ADAMTS7: variants seen among roughly 807,000 people sequenced by gnomAD.
ADAMTS7 encodes ADAM metallopeptidase with thrombospondin type 1 motif 7.
In ADAMTS7, 89 loss-of-function variants were observed where a neutral mutation model predicts 172.6. That is an observed-to-expected ratio of 0.52 (90% CI 0.43 to 0.61). The LOEUF (loss-of-function observed/expected upper bound fraction) is 0.61. Ranked by LOEUF, ADAMTS7 falls within the 20% of genes least tolerant of loss-of-function variation. ADAMTS7 has a pLI of 0.00. For synonymous variants in ADAMTS7, 885 were observed against 978.4 expected (o/e 0.90, Z 1.78); for missense variants, 1,973 against 2,355.6 (o/e 0.84, Z 3.36).
At chr15:78,768,004 T>C (rs2055184282) in intron 17 of ADAMTS7, 129 bp downstream of exon 17, 2 of 371,808 alleles carry the variant, frequency 5.4e-6, no homozygotes, top group Non-Finnish European at 9.2e-6. Flanking sequence ...TGTAGGGACC[T>C]GTGGCAGACC....
Position 78,800,326 on chromosome 15 carries a change from T to A in ADAMTS7, c.322A>T (p.Ser108Cys). The A allele has an allele frequency of 6.3e-7, 1 of 1,599,538 alleles. No homozygotes were observed. The highest frequency in any genetic ancestry group is 1.1e-5 in the South Asian group (1 of 90,166). The stretch of plus-strand genomic sequence containing the variant: ...AGGCCGCCGCGCCGCCGCGTCTCGC[T>A]CACAAAGCCGGGCGCCAGCAGGTGC... ...NQHLLAPGFVSETRRRGGLGR... is the reference protein window; with the variant it reads ...NQHLLAPGFVCETRRRGGLGR... Residue 108 changes from serine to cysteine, a missense_variant, in exon 2 of 24, where the codon AGC (serine) becomes TGC (cysteine). Physicochemically the swap from Ser to Cys is moderately radical, Grantham distance 112 (BLOSUM62 -1). Around this residue, in one of 8 missense-constraint regions of ADAMTS7, gnomAD observed 306 missense variants for 288.0 expected, o/e 1.06. Coordinates refer to ENST00000388820, the MANE Select transcript of ADAMTS7 (RefSeq NM_014272.5).
In ADAMTS7 at chr15:78,765,624, C is replaced by T. The variant is rs373672255; in HGVS notation, c.4266+21G>A. The T allele has an allele frequency of 1.1e-4, 176 of 1,600,860 alleles. 6 individuals carry two copies. In the East Asian group the frequency reaches 2.8e-3, roughly 25 times the overall value. ...CAAGGTCCTGCGCAAACTCCCTGCC[C>T]GCCCAGCCCACACCACTTGCCTCGC... On this transcript the variant is annotated intron_variant, in intron 19 of 23. Coordinates refer to ENST00000388820, the MANE Select transcript of ADAMTS7 (RefSeq NM_014272.5).
chr15:78,791,078 G>A (rs1435157007), intron 5 of ADAMTS7, 62 bp downstream of exon 5: 19 of 1,545,164 alleles, frequency 1.2e-5, no homozygotes, highest in Admixed American at 6.8e-5. Flanking sequence ...CAGGTCATGC[G>A]GCAGGAGGGC....
intron 2 of ADAMTS7, among the ~76,000 whole-genome samples, chr15:78,798,389 T>C (rs548387267): frequency 1.3e-5 from 2 of 152,178 alleles, no homozygotes; most frequent in Non-Finnish European, 2.9e-5. Flanking sequence ...CCCACCCCAT[T>C]AGGAGAGGGA....
chr15:78,792,453 T>C (rs2055593466), intron 4 of ADAMTS7, among the ~76,000 whole-genome samples: 1 of 152,198 alleles, frequency 6.6e-6, no homozygotes, highest in Non-Finnish European at 1.5e-5. Flanking sequence ...CATCGATCTT[T>C]GAAATGCAAA....
At chr15:78,761,053 T>C (rs2010752) in intron 23 of ADAMTS7, among the ~76,000 whole-genome samples, 142,299 of 152,228 alleles carry the variant, frequency 0.93, 66,533 homozygotes, top group East Asian at 0.98. Flanking sequence ...CCAGCTCAGG[T>C]AGCACATAGG....
chr15:78,809,638 C>A (rs1325263141), intron 1 of ADAMTS7, among the ~76,000 whole-genome samples: 3 of 152,206 alleles, frequency 2.0e-5, no homozygotes, highest in African/African-American at 7.2e-5. Flanking sequence ...ACGAGGTTGA[C>A]CGCACCCAAC....
intron 19 of ADAMTS7, among the ~76,000 whole-genome samples, chr15:78,765,423 G>A (rs944174771): frequency 1.8e-4 from 27 of 152,262 alleles, no homozygotes; most frequent in East Asian, 1.9e-4. Flanking sequence ...ATTCTGGGGT[G>A]TGCTGTGCTG....
chr15:78,789,656 C>T, intron 7 of ADAMTS7, 33 bp downstream of exon 7: 1 of 1,611,332 alleles, frequency 6.2e-7, no homozygotes, highest in Admixed American at 1.7e-5. Context: ...TGAAGCTCGG[C>T]TCTCAGTGTA....
At chr15:78,775,756 T>C (rs556320424) in intron 11 of ADAMTS7, among the ~76,000 whole-genome samples, 133 of 152,314 alleles carry the variant, frequency 8.7e-4, no homozygotes, top group Non-Finnish European at 1.4e-3. Context: ...CTGCATAAAC[T>C]GCATTTGCCC....
intron 3 of ADAMTS7, 31 bp from the exon 4 acceptor site, chr15:78,796,817 C>T: frequency 1.9e-6 from 3 of 1,578,588 alleles, no homozygotes; most frequent in Non-Finnish European, 8.6e-7. Flanking sequence ...GAGTTAGCTG[C>T]CAGTGGACAG....
chr15:78,800,818 G>T (rs1334854678), intron 1 of ADAMTS7, among the ~76,000 whole-genome samples: 5 of 152,200 alleles, frequency 3.3e-5, no homozygotes, highest in African/African-American at 9.7e-5. Flanking sequence ...CTGTCGCCCA[G>T]GCTGGAGTGC....
rs2055258693 is a variant in ADAMTS7, at chr15:78,771,958, T to C, written c.2132-129A>G. ...CCAAAGCTTTAAAGTCTGAGCTCCC[T>C]AAATTGCTCGGATCTGTCATGGGTC... On this transcript the variant is annotated intron_variant, in intron 14 of 23. Transcript: ENST00000388820. The surrounding 1 kb of genome is among the most constrained non-coding windows in gnomAD (Gnocchi z 4.9). The C allele has an allele frequency of 7.3e-7, 1 of 1,373,398 alleles. No individual in the cohort carries two copies. Among genetic ancestry groups the C allele is most frequent in the Admixed American group, 2.3e-5 (1 of 43,440 alleles). The allele number at this position is 1,373,398 out of a possible 1,614,324, so 85.1% of individuals were successfully genotyped here.
chr15:78,801,221 G>C (rs980419774), intron 1 of ADAMTS7, among the ~76,000 whole-genome samples: 5 of 152,114 alleles, frequency 3.3e-5, no homozygotes, highest in African/African-American at 9.7e-5. Flanking sequence ...CTGCAATGGC[G>C]CCCATCTCAC....
intron 23 of ADAMTS7, among the ~76,000 whole-genome samples, chr15:78,759,975 C>T (rs1489900542): frequency 6.6e-6 from 1 of 152,118 alleles, no homozygotes; most frequent in African/African-American, 2.4e-5. Flanking sequence ...TGCCAGCCTG[C>T]AGCGGCCTCT....
intron 1 of ADAMTS7, among the ~76,000 whole-genome samples, chr15:78,806,120 AC>A (rs2055788477): frequency 1.2e-3 from 28 of 23,534 alleles, no homozygotes; most frequent in Non-Finnish European, 2.9e-3. Context: ...ACACACACAC[AC>A]ACACACAAAA....
intron 1 of ADAMTS7, 110 bp downstream of exon 1, chr15:78,811,011 G>T: frequency 1.8e-6 from 2 of 1,126,980 alleles, no homozygotes; most frequent in Non-Finnish European, 2.2e-6. Context: ...CCAACTCCAG[G>T]CACAGCGGAG....
chr15:78,807,034 T>G, intron 1 of ADAMTS7, among the ~76,000 whole-genome samples: 2 of 152,364 alleles, frequency 1.3e-5, no homozygotes, highest in Middle Eastern at 6.8e-3. Context: ...CCCAAAGTAC[T>G]GGGATTACAG....
rs561581492 is a variant in ADAMTS7 at position 78,781,476 on chromosome 15, T to C, written c.1323-3888A>G. Among the ~76,000 whole-genome samples, 6 of 152,282 alleles carry C rather than the reference T, an allele frequency of 3.9e-5. No individual in the cohort carries two copies. The South Asian group carries it at 8.3e-4, about 21-fold the overall frequency. On this transcript the variant is annotated intron_variant, in intron 8 of 23. Transcript: ENST00000388820. The stretch of plus-strand genomic sequence containing the variant: ...CCTCCATTGGGGAGGCACGTATTGC[T>C]CTGCTTCTGTCTGGTTCTCCCCGGT...
Sources: gnomAD v4.1 joint callset for allele counts (sites outside exome capture counted in the v4.1 genomes callset) on GRCh38, gnomAD v4.1.1 for gene constraint, gnomAD v4.1.1 regional missense constraint, Gnocchi (gnomAD v3.1) non-coding constraint, MANE v1.5 for transcripts, NCBI Gene and HGNC (gene_info 2026-07-23, HGNC 2026-07-21) for gene names.